NEIL3: variants seen among roughly 807,000 people sequenced by gnomAD.
NEIL3 encodes nei like DNA glycosylase 3.
Under a neutral mutation model 57.5 loss-of-function variants are expected in NEIL3, and 48 were observed. That is an observed-to-expected ratio of 0.83 (90% CI 0.66 to 1.06). The LOEUF (loss-of-function observed/expected upper bound fraction) is 1.06. Ranked by LOEUF, NEIL3 falls within the 50% of genes least tolerant of loss-of-function variation. NEIL3 has a pLI of 0.00. For synonymous variants in NEIL3, 261 were observed against 253.2 expected (o/e 1.03, Z -0.29); for missense variants, 717 against 739.1 (o/e 0.97, Z 0.35).
chr4:177,330,283 G>GA, intron 2 of NEIL3, among the ~76,000 whole-genome samples: 1 of 152,112 alleles, frequency 6.6e-6, no homozygotes. Context: ...AAGGAACTTA[G>GA]AACATATTTT....
At chr4:177,347,875 ATAT>A (rs1735256332) in intron 6 of NEIL3, among the ~76,000 whole-genome samples, 1 of 152,172 alleles carries the variant, frequency 6.6e-6, no homozygotes, top group Non-Finnish European at 1.5e-5. Flanking sequence ...GAAAAATGAG[ATAT>A]TATTAGTTCA....
chr4:177,322,109 G>A (rs925328791), intron 1 of NEIL3, among the ~76,000 whole-genome samples: 1 of 152,174 alleles, frequency 6.6e-6, no homozygotes, highest in African/African-American at 2.4e-5. Context: ...TCTGGAAATG[G>A]AAGAACCTAT....
At chr4:177,351,956 A>C (rs3805170) in intron 7 of NEIL3, among the ~76,000 whole-genome samples, 2 of 152,014 alleles carry the variant, frequency 1.3e-5, no homozygotes, top group African/African-American at 2.4e-5. Flanking sequence ...GAATAGAAAA[A>C]TGCTGAATTT....
chr4:177,309,999 G>C lies in NEIL3; in HGVS notation c.46G>C (p.Ala16Pro). The C allele has an allele frequency of 6.2e-7, 1 of 1,610,872 alleles. No homozygotes were observed. Among genetic ancestry groups the C allele is most frequent in the Non-Finnish European group, 8.5e-7 (1 of 1,179,018 alleles). Residue 16 changes from alanine to proline, a missense_variant, in exon 1 of 10, where the codon GCG (alanine) becomes CCG (proline). Ala to Pro is a conservative substitution (Grantham distance 27). Coordinates refer to ENST00000264596, the MANE Select transcript of NEIL3 (RefSeq NM_018248.3). Reference protein sequence around the residue: ...GCTLNGEKIRARVLPGQAVTG... With the variant: ...GCTLNGEKIRPRVLPGQAVTG... ...TACTCTGAATGGAGAGAAGATTCGC[G>C]CGCGGGTGCTCCCGGGCCAGGCGGT...
chr4:177,313,072 T>C (rs1037420598), intron 1 of NEIL3, among the ~76,000 whole-genome samples: 1 of 152,222 alleles, frequency 6.6e-6, no homozygotes, highest in Non-Finnish European at 1.5e-5. Context: ...TTGAAATGAT[T>C]AGTTTTCACA....
intron 2 of NEIL3, among the ~76,000 whole-genome samples, chr4:177,334,334 A>T (rs1175221565): frequency 6.6e-6 from 1 of 152,134 alleles, no homozygotes; most frequent in South Asian, 2.1e-4. Context: ...ATAAAAATTT[A>T]AAAAAACATT....
intron 5 of NEIL3, 22 bp from the exon 6 acceptor site, chr4:177,341,454 T>C: frequency 6.4e-7 from 1 of 1,553,130 alleles, no homozygotes. Flanking sequence ...TAACAGAATT[T>C]TTTGGTTTTT....
chr4:177,316,390 GA>G (rs1242162571), intron 1 of NEIL3, among the ~76,000 whole-genome samples: 1 of 152,116 alleles, frequency 6.6e-6, no homozygotes, highest in Non-Finnish European at 1.5e-5. Context: ...AATTTTATGG[GA>G]AATTCTGGTA....
At position 177,341,491 on chromosome 4, in the gene NEIL3, C is replaced by T; in HGVS notation, c.718C>T (p.Leu240Phe). 6.3e-7 allele frequency: 1 copy of T among 1,580,938 alleles called. No homozygotes were observed. Among genetic ancestry groups the T allele is most frequent in the East Asian group, 2.3e-5 (1 of 43,694 alleles). Residue 240 changes from leucine (L) to phenylalanine (F), a missense_variant, in exon 6 of 10, where the codon CTT becomes TTT. By Grantham distance (22) the Leu-to-Phe change is conservative. Transcript: ENST00000264596. ...TTTTTTTTAGTGCCGTAAAGCAGGA[C>T]TTGCTCTCTCTAAACACTATAAGGT... ...ILFYRCRKAG[L>F]ALSKHYKVYK...
intron 2 of NEIL3, among the ~76,000 whole-genome samples, chr4:177,324,754 A>T (rs1375196907): frequency 6.6e-6 from 1 of 152,136 alleles, no homozygotes; most frequent in African/African-American, 2.4e-5. Flanking sequence ...AATAATGAAA[A>T]TAAGTGTAAA....
intron 6 of NEIL3, among the ~76,000 whole-genome samples, chr4:177,350,961 G>A (rs796268262): frequency 1.1e-4 from 17 of 151,682 alleles, no homozygotes; most frequent in South Asian, 4.2e-4. Flanking sequence ...TAATCCCAGC[G>A]CTTTGGGAGG....
chr4:177,368,941 G>A, the NEIL3 span, among the ~76,000 whole-genome samples: 1 of 152,198 alleles, frequency 6.6e-6, no homozygotes, highest in African/African-American at 2.4e-5. Flanking sequence ...GACATATAGA[G>A]ATGAGTAAAT....
At chr4:177,345,453 G>A (rs1170200441) in intron 6 of NEIL3, among the ~76,000 whole-genome samples, 5 of 110,246 alleles carry the variant, frequency 4.5e-5, no homozygotes, top group Admixed American at 3.1e-4. Context: ...AGTGCTGTCT[G>A]CAAACCAACT....
intron 4 of NEIL3, among the ~76,000 whole-genome samples, chr4:177,339,263 C>A (rs767387328): frequency 6.6e-6 from 1 of 152,112 alleles, no homozygotes. Context: ...TGTATTATTA[C>A]AATAAAGTAA....
At chr4:177,333,481 G>C (rs1295340729) in intron 2 of NEIL3, among the ~76,000 whole-genome samples, 1 of 152,132 alleles carries the variant, frequency 6.6e-6, no homozygotes, top group Non-Finnish European at 1.5e-5. Context: ...ATTATCTTTT[G>C]TTGACTTTGG....
At position 177,319,153 on chromosome 4, in the gene NEIL3, G is replaced by A. The variant is rs34257970; in HGVS notation, c.157-3306G>A. 8.4e-3 allele frequency among the ~76,000 whole-genome samples: 1,272 copies of A among 152,296 alleles called. 13 individuals are homozygous for A. The highest frequency in any genetic ancestry group is 0.044 in the Middle Eastern group (13 of 294). On this transcript the variant is annotated intron_variant, in intron 1 of 9. Coordinates refer to ENST00000264596, the MANE Select transcript of NEIL3 (RefSeq NM_018248.3). ...ACTTCACATGAGACATTTGGGACTC[G>A]TGTACTGTCTTATTAGGTGTTGTGA...
At chr4:177,349,763 G>A (rs1453503101) in intron 6 of NEIL3, among the ~76,000 whole-genome samples, 3 of 152,128 alleles carry the variant, frequency 2.0e-5, no homozygotes, top group Non-Finnish European at 4.4e-5. Context: ...GAGCAGTAAA[G>A]AAAGGAAAGA....
At chr4:177,333,720 A>G (rs1734924105) in intron 2 of NEIL3, among the ~76,000 whole-genome samples, 1 of 152,132 alleles carries the variant, frequency 6.6e-6, no homozygotes, top group South Asian at 2.1e-4. Context: ...ATTCCCATAG[A>G]CAGCTCTCAT....
chr4:177,349,419 A>G (rs979135891), intron 6 of NEIL3, among the ~76,000 whole-genome samples: 2 of 151,812 alleles, frequency 1.3e-5, no homozygotes, highest in Non-Finnish European at 2.9e-5. Context: ...GCGTTCTTTC[A>G]TGTGTGGCTA....
Sources: gnomAD v4.1 joint callset for allele counts (sites outside exome capture counted in the v4.1 genomes callset) on GRCh38, gnomAD v4.1.1 for gene constraint, MANE v1.5 for transcripts, NCBI Gene and HGNC (gene_info 2026-07-23, HGNC 2026-07-21) for gene names.